The following SIK3 variants were observed in gnomAD, a reference collection of about 807,000 sequenced individuals.
The protein encoded by SIK3 is serine/threonine-protein kinase SIK3.
Under a neutral mutation model 144.2 loss-of-function variants are expected in SIK3, and 28 were observed. The ratio of observed to expected loss-of-function variants is 0.19; its 90% confidence interval spans 0.14 to 0.27. The LOEUF is 0.27. Among genes scored for constraint, SIK3 ranks in the 10% least tolerant of loss-of-function variants. The pLI, the probability that SIK3 is intolerant of heterozygous loss-of-function variation, is 1.00. For synonymous variants in SIK3, 686 were observed against 676.3 expected (o/e 1.01, Z -0.22); for missense variants, 1,319 against 1,776.0 (o/e 0.74, Z 4.62).
At chr11:117,026,073 G>A (rs1951997366) in intron 1 of SIK3, among the ~76,000 whole-genome samples, 1 of 152,102 alleles carries the variant, frequency 6.6e-6, no homozygotes, top group Non-Finnish European at 1.5e-5. Context: ...GCCAAAAGGG[G>A]GAAATGTAGA....
intron 1 of SIK3, among the ~76,000 whole-genome samples, chr11:117,004,136 T>G (rs746760416): frequency 6.2e-4 from 95 of 152,308 alleles, no homozygotes; most frequent in Middle Eastern, 3.4e-3. Context: ...ACCCTGAATT[T>G]AACTTGTCTG....
intron 1 of SIK3, among the ~76,000 whole-genome samples, chr11:116,991,197 C>G (rs1950489886): frequency 6.6e-6 from 1 of 152,168 alleles, no homozygotes; most frequent in Non-Finnish European, 1.5e-5. Flanking sequence ...CCTGTAACCC[C>G]AGCACTTTGG....
chr11:117,036,420 C>T (rs1047057573), intron 1 of SIK3, among the ~76,000 whole-genome samples: 1 of 152,032 alleles, frequency 6.6e-6, no homozygotes, highest in Non-Finnish European at 1.5e-5. Flanking sequence ...AGAGTCAGAA[C>T]TTGTGAAGAA....
intron 4 of SIK3, among the ~76,000 whole-genome samples, chr11:116,914,375 AT>A (rs1946505837): frequency 6.6e-6 from 1 of 151,874 alleles, no homozygotes; most frequent in African/African-American, 2.4e-5. Flanking sequence ...CAGCTGGCTG[AT>A]TTTTGTATTT....
At chr11:117,079,802 A>C (rs1157612586) in intron 1 of SIK3, among the ~76,000 whole-genome samples, 1 of 152,124 alleles carries the variant, frequency 6.6e-6, no homozygotes, top group East Asian at 1.9e-4. Flanking sequence ...TATTAGACAC[A>C]CACACAAAGT....
At chr11:116,964,260 T>C (rs1028019258) in intron 1 of SIK3, among the ~76,000 whole-genome samples, 2 of 152,180 alleles carry the variant, frequency 1.3e-5, no homozygotes, top group Admixed American at 6.5e-5. Flanking sequence ...CTCAGTCTCC[T>C]AAAGTGCTGG....
At chr11:116,866,160 ACT>A (rs1943622731) in intron 15 of SIK3, among the ~76,000 whole-genome samples, 1 of 152,084 alleles carries the variant, frequency 6.6e-6, no homozygotes, top group Non-Finnish European at 1.5e-5. Flanking sequence ...ATAAAGCCTG[ACT>A]CTGGAAATGT....
chr11:116,877,674 A>G (rs1944323724), intron 6 of SIK3, among the ~76,000 whole-genome samples: 1 of 152,222 alleles, frequency 6.6e-6, no homozygotes, highest in African/African-American at 2.4e-5. Flanking sequence ...AGATCTATAG[A>G]AATTTTTCTC....
chr11:117,090,531 G>A (rs1283718379), intron 1 of SIK3, among the ~76,000 whole-genome samples: 1 of 152,168 alleles, frequency 6.6e-6, no homozygotes, highest in Non-Finnish European at 1.5e-5. Context: ...TTTAGTAAGT[G>A]AGGAGCCCAT....
Position 116,846,397 on chromosome 11 carries a change from T to C in SIK3, c.4109A>G (p.Ter1370=). The C allele has an allele frequency of 6.2e-7, 1 of 1,614,056 alleles. No individual in the cohort carries two copies. The highest frequency in any genetic ancestry group is 8.5e-7 in the Non-Finnish European group (1 of 1,179,976). Residue 1370 remains the stop codon, a stop_retained_variant, in exon 24 of 25, where the codon TAA becomes TGA. Coordinates refer to ENST00000445177, the MANE Select transcript of SIK3 (RefSeq NM_001366686.3). The surrounding 1 kb of genome is among the most constrained non-coding windows in gnomAD (Gnocchi z 4.1). ...GTGACACTCACTCTCTGTTTCTTGT[T>C]ACACGCCTGCCTGCTCCATGCTGAA... ...VSFSMEQAGV[*] is the part of the protein sequence containing the mutation.
chr11:117,059,101 T>C (rs1048642373), intron 1 of SIK3, among the ~76,000 whole-genome samples: 1 of 152,094 alleles, frequency 6.6e-6, no homozygotes, highest in African/African-American at 2.4e-5. Flanking sequence ...AGACAGGAAA[T>C]TGTGTTCAAA....
At chr11:116,864,575 C>G (rs1156601262) in intron 15 of SIK3, 1 of 152,284 alleles carries the variant, frequency 6.6e-6, no homozygotes, top group Non-Finnish European at 1.5e-5. Context: ...AAAGAAAGAA[C>G]AAGCTATTGA....
intron 21 of SIK3, among the ~76,000 whole-genome samples, chr11:116,855,083 C>CAAAAAAAAAAAAAAAAA (rs528405922): frequency 9.7e-5 from 8 of 82,090 alleles, no homozygotes; most frequent in Admixed American, 2.7e-4. Context: ...GAGACTCTGC[C>CAAAAAAAAAAAAAAAAA]AAAAAAAAAA....
intron 1 of SIK3, among the ~76,000 whole-genome samples, chr11:117,057,667 G>C (rs1226421335): frequency 1.3e-5 from 2 of 152,196 alleles, no homozygotes; most frequent in Non-Finnish European, 2.9e-5. Flanking sequence ...CATTACAGTA[G>C]AGCACAGCAG....
chr11:117,053,058 G>C (rs1442757876), intron 1 of SIK3, among the ~76,000 whole-genome samples: 1 of 152,154 alleles, frequency 6.6e-6, no homozygotes, highest in Admixed American at 6.5e-5. Flanking sequence ...GTAACTGCAG[G>C]CCGGGCGCGG....
intron 6 of SIK3, among the ~76,000 whole-genome samples, chr11:116,878,549 T>C (rs534528521): frequency 1.6e-4 from 24 of 152,224 alleles, no homozygotes; most frequent in African/African-American, 5.3e-4. Flanking sequence ...CCAGCTAATT[T>C]TTGCATCTTT....
intron 20 of SIK3, 150 bp downstream of exon 20, chr11:116,859,115 A>T: frequency 1.3e-6 from 1 of 758,814 alleles, no homozygotes; most frequent in Non-Finnish European, 2.1e-6. Flanking sequence ...GTTCATTCCA[A>T]ACCCAGCATC....
At chr11:116,907,398 G>T (rs1206352285) in intron 4 of SIK3, among the ~76,000 whole-genome samples, 1 of 152,288 alleles carries the variant, frequency 6.6e-6, no homozygotes, top group East Asian at 1.9e-4. Flanking sequence ...TGTAATCCCA[G>T]AACTTTGGGA....
intron 1 of SIK3, among the ~76,000 whole-genome samples, chr11:117,009,960 T>C (rs1296578573): frequency 6.6e-6 from 1 of 152,074 alleles, no homozygotes; most frequent in Non-Finnish European, 1.5e-5. Flanking sequence ...TGAAGATGCA[T>C]CTGGAAAAAA....
Sources: gnomAD v4.1 joint callset for allele counts (sites outside exome capture counted in the v4.1 genomes callset) on GRCh38, gnomAD v4.1.1 for gene constraint, Gnocchi (gnomAD v3.1) non-coding constraint, MANE v1.5 for transcripts, NCBI Gene and HGNC (gene_info 2026-07-23, HGNC 2026-07-21) for gene names.